The following KCNMA1 variants were observed in gnomAD, a reference collection of about 807,000 sequenced individuals.
KCNMA1 encodes the protein potassium calcium-activated channel subfamily M alpha 1, also known as Calcium-activated potassium channel subunit alpha-1.
KCNMA1 carries 29 observed loss-of-function variants against 140.0 expected under a neutral mutation model. The observed-to-expected ratio is 0.21, with a 90% CI of 0.15 to 0.28. The LOEUF (loss-of-function observed/expected upper bound fraction) is 0.28. Ranked by LOEUF, KCNMA1 falls within the 10% of genes least tolerant of loss-of-function variation. The probability of loss-of-function intolerance (pLI) is 1.00; values close to 1 mark genes in which losing one functional copy is unlikely to be tolerated. For synonymous variants in KCNMA1, 612 were observed against 611.9 expected, an observed-to-expected ratio of 1.00 and a Z score of 0.00; for missense variants, 880 against 1,602.2, an observed-to-expected ratio of 0.55 and a Z score of 7.70.
chr10:77,287,457 A>G (rs2071424035), intron 2 of KCNMA1, among the ~76,000 whole-genome samples: 1 of 152,210 alleles, frequency 6.6e-6, no homozygotes, highest in African/African-American at 2.4e-5. Context: ...GAGACTGTCT[A>G]GTCCAGAAGC....
intron 14 of KCNMA1, among the ~76,000 whole-genome samples, chr10:77,072,802 T>A (rs983722981): frequency 1.3e-5 from 2 of 152,162 alleles, no homozygotes; most frequent in African/African-American, 4.8e-5. Flanking sequence ...TGTATATAAA[T>A]CATATTTTTG....
At chr10:77,021,915 A>T (rs999175737) in intron 16 of KCNMA1, among the ~76,000 whole-genome samples, 2 of 152,202 alleles carry the variant, frequency 1.3e-5, no homozygotes, top group South Asian at 4.1e-4. Flanking sequence ...CAGAAACTAC[A>T]TTACTGGTTT....
At chr10:76,930,336 T>C (rs1474721241) in intron 23 of KCNMA1, 1 of 152,142 alleles carries the variant, frequency 6.6e-6, no homozygotes, top group African/African-American at 2.4e-5. Flanking sequence ...GACATCTTTA[T>C]AAAGAAGATA....
At chr10:77,356,735 T>C (rs1175481239) in intron 2 of KCNMA1, among the ~76,000 whole-genome samples, 1 of 152,214 alleles carries the variant, frequency 6.6e-6, no homozygotes, top group Non-Finnish European at 1.5e-5. Flanking sequence ...CCTTCTGGTA[T>C]GCCCTATTCC....
At chr10:77,143,055 C>T (rs985486404) in intron 5 of KCNMA1, among the ~76,000 whole-genome samples, 1 of 151,976 alleles carries the variant, frequency 6.6e-6, no homozygotes, top group African/African-American at 2.4e-5. Flanking sequence ...GAAAAGAGAA[C>T]CCAACTTGAT....
chr10:77,221,062 G>T (rs1442898795), intron 3 of KCNMA1, among the ~76,000 whole-genome samples: 1 of 152,200 alleles, frequency 6.6e-6, no homozygotes, highest in Non-Finnish European at 1.5e-5. Context: ...AACCTGAAAA[G>T]AAACTGCTAG....
chr10:77,196,386 G>A (rs35366821), intron 3 of KCNMA1, among the ~76,000 whole-genome samples: 12,498 of 152,146 alleles, frequency 0.082, 693 homozygotes, highest in Middle Eastern at 0.12. Context: ...AGATGAAAAC[G>A]TTCATAAAGT....
chr10:76,999,164 C>T (rs993009318), intron 19 of KCNMA1, among the ~76,000 whole-genome samples: 2 of 152,212 alleles, frequency 1.3e-5, no homozygotes, highest in Non-Finnish European at 2.9e-5. Flanking sequence ...TCTCCCTGGT[C>T]TCCATCAATG....
chr10:76,899,167 C>T (rs1417727848), intron 25 of KCNMA1, among the ~76,000 whole-genome samples: 1 of 152,032 alleles, frequency 6.6e-6, no homozygotes, highest in African/African-American at 2.4e-5. Context: ...AAGGAAAATT[C>T]CATGTTCCTT....
intron 1 of KCNMA1, among the ~76,000 whole-genome samples, chr10:77,595,060 T>C (rs1003481700): frequency 6.6e-6 from 1 of 152,168 alleles, no homozygotes; most frequent in Non-Finnish European, 1.5e-5. Flanking sequence ...AAAAAGGTTT[T>C]AGTGGTCGGG....
chr10:77,399,495 T>G lies in KCNMA1; in HGVS notation c.540+4367A>C, dbSNP rs140336439. On this transcript the variant is annotated intron_variant, in intron 2 of 27. Coordinates refer to ENST00000286628, the MANE Select transcript of KCNMA1 (RefSeq NM_001161352.2). ...TACTCTTGACAGCCTGGTGTTCACT[T>G]TAATGTAGAATCCCTCAGCCACGTG... Among the ~76,000 whole-genome samples, 547 of 152,272 alleles carry G rather than the reference T, an allele frequency of 3.6e-3. 5 individuals are homozygous for G. Among genetic ancestry groups the G allele is most frequent in the African/African-American group, 0.012 (517 of 41,556 alleles).
chr10:77,636,117 T>C (rs950848327), intron 1 of KCNMA1: 1 of 956,542 alleles, frequency 1.0e-6, no homozygotes. Flanking sequence ...TTCCCCTGGA[T>C]TTCCCTTCCC....
chr10:77,084,463 C>T (rs1352484292), intron 12 of KCNMA1, among the ~76,000 whole-genome samples, 174 bp downstream of exon 12: 1 of 152,154 alleles, frequency 6.6e-6, no homozygotes, highest in African/African-American at 2.4e-5. Flanking sequence ...GTGCCACTGC[C>T]CCAACCCACA....
At chr10:76,974,518 C>A in intron 19 of KCNMA1, 1 of 1,550,040 alleles carries the variant, frequency 6.5e-7, no homozygotes, top group Non-Finnish European at 8.7e-7. Flanking sequence ...AATTGGGAGT[C>A]TCCTTCTTGA....
intron 9 of KCNMA1, among the ~76,000 whole-genome samples, chr10:77,092,371 AAT>A (rs2096837181): frequency 6.6e-6 from 1 of 152,320 alleles, no homozygotes; most frequent in South Asian, 2.1e-4. Flanking sequence ...GAATTTGCCA[AAT>A]ATGTTTGAAG....
intron 14 of KCNMA1, among the ~76,000 whole-genome samples, chr10:77,051,747 C>T (rs2095373871): frequency 6.6e-6 from 1 of 152,142 alleles, no homozygotes; most frequent in African/African-American, 2.4e-5. Flanking sequence ...ATCATGTGCT[C>T]CTGAGCCAAG....
At position 77,110,240 on chromosome 10, in the gene KCNMA1, T is replaced by A; in HGVS notation, c.1064A>T (p.Tyr355Phe). The A allele has an allele frequency of 6.2e-7, 1 of 1,613,940 alleles. No individual in the cohort carries two copies. The highest frequency in any genetic ancestry group is 8.5e-7 in the Non-Finnish European group (1 of 1,179,874). ...LLMVTMSTVG[Y>F]GDVYAKTTLG... ...TGTGGTTTTTGCATAAACATCCCCA[T>A]AACCAACGGTGGACATTGTGACCAT... Residue 355 changes from tyrosine to phenylalanine, a missense_variant, in exon 8 of 28, where the codon TAT becomes TTT. Physicochemically the swap from Tyr to Phe is conservative, Grantham distance 22. Coordinates refer to ENST00000286628, the MANE Select transcript of KCNMA1 (RefSeq NM_001161352.2).
intron 2 of KCNMA1, among the ~76,000 whole-genome samples, chr10:77,358,517 GC>G (rs2093686409): frequency 6.6e-6 from 1 of 151,908 alleles, no homozygotes; most frequent in South Asian, 2.1e-4. Context: ...CAAGTGATTG[GC>G]CCCTCCTTCT....
intron 1 of KCNMA1, among the ~76,000 whole-genome samples, chr10:77,503,633 C>T (rs2044707879): frequency 6.6e-6 from 1 of 152,192 alleles, no homozygotes; most frequent in Non-Finnish European, 1.5e-5. Context: ...TGTCCTTGTG[C>T]AGTCATGGGC....
Sources: allele counts gnomAD v4.1 joint callset (sites outside exome capture counted in the v4.1 genomes callset), GRCh38; gene constraint gnomAD v4.1.1; transcripts MANE v1.5; gene names NCBI Gene and HGNC (gene_info 2026-07-23, HGNC 2026-07-21).